RAD21: variants seen among roughly 807,000 people sequenced by gnomAD.
RAD21 encodes the protein RAD21 cohesin complex component.
RAD21 carries 18 observed loss-of-function variants against 71.5 expected under a neutral mutation model. The ratio of observed to expected loss-of-function variants is 0.25; its 90% CI spans 0.17 to 0.37. RAD21 has a LOEUF of 0.37. Among genes scored for constraint, RAD21 ranks in the 10% least tolerant of loss-of-function variants. RAD21 has a pLI of 1.00. For missense variants in RAD21, 493 were observed against 769.1 expected, an observed-to-expected ratio of 0.64 and a Z score of 4.25; for synonymous variants, 248 against 254.0, an observed-to-expected ratio of 0.98 and a Z score of 0.22.
At chr8:116,848,808 A>C in intron 13 of RAD21, 138 bp downstream of exon 13, 1 of 497,674 alleles carries the variant, frequency 2.0e-6, no homozygotes, top group Non-Finnish European at 3.4e-6. Flanking sequence ...AAAATAAATA[A>C]ATAAATAAAA....
intron 1 of RAD21, among the ~76,000 whole-genome samples, chr8:116,872,171 G>A (rs748364279): frequency 1.7e-4 from 26 of 152,112 alleles, no homozygotes; most frequent in Non-Finnish European, 2.6e-4. Context: ...CATAAATGGA[G>A]ATGATTTGAA....
At chr8:116,865,112 A>C (rs1014868477) in intron 2 of RAD21, among the ~76,000 whole-genome samples, 2 of 152,166 alleles carry the variant, frequency 1.3e-5, no homozygotes, top group African/African-American at 2.4e-5. Context: ...AATAGATAAA[A>C]GCTCAGTTAG....
chr8:116,847,731 T>C (rs755488724), intron 13 of RAD21, 40 bp from the exon 14 acceptor site: 3 of 1,532,138 alleles, frequency 2.0e-6, no homozygotes, highest in South Asian at 2.4e-5. Context: ...ATCTGTATAA[T>C]AAAGTAGTAA....
chr8:116,852,807 A>G (rs953341220), intron 9 of RAD21, 99 bp from the exon 10 acceptor site: 15 of 852,212 alleles, frequency 1.8e-5, no homozygotes, highest in Middle Eastern at 7.6e-4. Flanking sequence ...TCTAATAAAT[A>G]TAAGTGTATA....
At chr8:116,864,824 T>C (rs951314830) in intron 2 of RAD21, among the ~76,000 whole-genome samples, 34 of 152,154 alleles carry the variant, frequency 2.2e-4, no homozygotes, top group African/African-American at 8.2e-4. Flanking sequence ...CATATGTTTT[T>C]GAGCTAGTGT....
chr8:116,852,311 G>C, intron 10 of RAD21: 2 of 640,876 alleles, frequency 3.1e-6, no homozygotes, highest in Non-Finnish European at 5.1e-6. Flanking sequence ...CCTACCCTCA[G>C]TACAATGTAG....
intron 1 of RAD21, 140 bp from the exon 2 acceptor site, chr8:116,866,901 A>T (rs550079557): frequency 4.0e-6 from 2 of 503,700 alleles, no homozygotes; most frequent in East Asian, 3.5e-5. Context: ...TATGTATTTT[A>T]AAAACAACAG....
chr8:116,858,009 C>T (rs149886208), intron 5 of RAD21, among the ~76,000 whole-genome samples: 118 of 152,310 alleles, frequency 7.7e-4, no homozygotes, highest in African/African-American at 2.6e-3. Flanking sequence ...GCCTTGCTAA[C>T]TAGTTTTGAA....
chr8:116,846,009 A>T lies in RAD21; in HGVS notation c.*1491T>A, dbSNP rs1427920097. On this transcript the variant is annotated 3_prime_UTR_variant, in exon 14 of 14. Coordinates refer to ENST00000297338, the MANE Select transcript of RAD21 (RefSeq NM_006265.3). ...CAACTATTTTCAAGAACAATATTAA[A>T]CCCGATAAGCAACAAAAACCAGACT... 2.6e-5 allele frequency: 6 copies of T among 230,248 alleles called. No individual in the cohort carries two copies. Among genetic ancestry groups the T allele is most frequent in the Non-Finnish European group, 4.3e-5 (5 of 116,058 alleles). The allele number at this position is 230,248 out of a possible 1,614,324, so 14.3% of individuals were successfully genotyped here.
intron 5 of RAD21, 49 bp downstream of exon 5, chr8:116,858,303 A>G (rs1303271051): frequency 1.4e-6 from 2 of 1,404,374 alleles, no homozygotes; most frequent in African/African-American, 2.8e-5. Context: ...GCTATTAGCA[A>G]CACAATATAA....
intron 4 of RAD21, among the ~76,000 whole-genome samples, chr8:116,859,311 G>A (rs577685056): frequency 3.0e-4 from 45 of 152,156 alleles, no homozygotes; most frequent in African/African-American, 9.6e-4. Flanking sequence ...ATGCCTCTGT[G>A]TCACATTTTG....
At chr8:116,871,602 TA>T (rs1439516176) in intron 1 of RAD21, among the ~76,000 whole-genome samples, 1 of 152,198 alleles carries the variant, frequency 6.6e-6, no homozygotes, top group African/African-American at 2.4e-5. Context: ...CAACATTTTA[TA>T]AAAATTTCAC....
chr8:116,849,997 C>G (rs1243695642), intron 12 of RAD21, among the ~76,000 whole-genome samples: 2 of 151,852 alleles, frequency 1.3e-5, no homozygotes, highest in Admixed American at 1.3e-4. Context: ...AGAATAAATT[C>G]TAAGTCTTAA....
Position 116,866,769 on chromosome 8 carries a change from G to C in RAD21, c.-32-8C>G, listed in dbSNP as rs747425356. 2 of 1,505,978 alleles carry C rather than the reference G, an allele frequency of 1.3e-6. No individual in the cohort carries two copies. Among genetic ancestry groups the C allele is most frequent in the African/African-American group, 2.8e-5 (2 of 70,812 alleles). 93.3% of individuals were successfully genotyped at this position (1,505,978 alleles called of 1,614,324 possible). A position where few individuals can be genotyped will look rare whatever the true frequency, so the allele number is the denominator to read the frequency against. On this transcript the variant is annotated splice_polypyrimidine_tract_variant and splice_region_variant and intron_variant, in intron 1 of 13. Transcript: ENST00000297338. ...ATGAAAACAGAAGAAAACCTAAGAG[G>C]GGAAAAAAAAGTTAATGTAAACATC...
intron 12 of RAD21, 82 bp from the exon 13 acceptor site, chr8:116,849,111 A>G (rs901058458): frequency 2.1e-6 from 2 of 948,258 alleles, no homozygotes; most frequent in Admixed American, 2.8e-5. Context: ...AAAAGCTCCT[A>G]AATTACCTTG....
intron 2 of RAD21, among the ~76,000 whole-genome samples, chr8:116,865,336 A>G (rs1288638012): frequency 6.6e-6 from 1 of 152,160 alleles, no homozygotes; most frequent in African/African-American, 2.4e-5. Flanking sequence ...AAGCCACTCA[A>G]TATTTGCTTA....
At position 116,866,598 on chromosome 8, in the gene RAD21, G is replaced by A. The variant is rs777149315; in HGVS notation, c.132C>T (p.Ile44=). 2 of 1,608,640 alleles carry A rather than the reference G, an allele frequency of 1.2e-6. No homozygotes were observed. The highest frequency in any genetic ancestry group is 1.1e-5 in the South Asian group (1 of 89,912). Reference sequence around the variant, plus strand: ...ACATCAAACATACCTTTGGTGAGATGATACTCTCCACGCTGCTCTCTAAAT... The same window carrying A: ...ACATCAAACATACCTTTGGTGAGATAATACTCTCCACGCTGCTCTCTAAAT... ...ECNLESSVES[I]ISPKVKMALR... is the part of the protein sequence containing the mutation. The change falls in exon 2 of 14, where the codon ATC becomes ATT. Residue 44 remains isoleucine, a synonymous_variant. Coordinates refer to ENST00000297338, the MANE Select transcript of RAD21 (RefSeq NM_006265.3).
At position 116,852,111 on chromosome 8, in the gene RAD21, A is replaced by G; in HGVS notation, c.1322-15T>C. On this transcript the variant is annotated splice_polypyrimidine_tract_variant and intron_variant, in intron 10 of 13. Transcript: ENST00000297338. Reference sequence around the variant, plus strand: ...AATGGGCTCATCTGCAATTGGTCATATGAAGAGAAAACATAGGTCATACAG... The same window carrying G: ...AATGGGCTCATCTGCAATTGGTCATGTGAAGAGAAAACATAGGTCATACAG... 1 of 1,590,164 alleles carries G rather than the reference A, an allele frequency of 6.3e-7. No homozygotes were observed. The highest frequency in any genetic ancestry group is 8.6e-7 in the Non-Finnish European group (1 of 1,161,432).
In RAD21 at chr8:116,856,415, T is replaced by C. The variant is rs1452445289; in HGVS notation, c.815-127A>G. ...AAATCCTGTTATTACTAAGAAAAAATATTTTTCTAGTTAATGGGAAAGCCC... is the reference window on the plus strand; with the variant it reads ...AAATCCTGTTATTACTAAGAAAAAACATTTTTCTAGTTAATGGGAAAGCCC... On this transcript the variant is annotated intron_variant, in intron 7 of 13. Coordinates refer to ENST00000297338, the MANE Select transcript of RAD21 (RefSeq NM_006265.3). 20 of 1,292,790 alleles carry C rather than the reference T, an allele frequency of 1.5e-5. 1 individual carries two copies. The highest frequency in any genetic ancestry group is 5.8e-5 in the South Asian group (3 of 51,836). The allele number at this position is 1,292,790 out of a possible 1,614,324, so 80.1% of individuals were successfully genotyped here.
Sources: gnomAD v4.1 joint callset for allele counts (sites outside exome capture counted in the v4.1 genomes callset) on GRCh38, gnomAD v4.1.1 for gene constraint, MANE v1.5 for transcripts, NCBI Gene and HGNC (gene_info 2026-07-23, HGNC 2026-07-21) for gene names.